Variants in CNTNAP2 observed in about 807,000 individuals in gnomAD.
CNTNAP2 encodes contactin-associated protein-like 2.
CNTNAP2 carries 98 observed loss-of-function variants against 155.2 expected under a neutral mutation model. The ratio of observed to expected loss-of-function variants is 0.63; its 90% CI spans 0.54 to 0.75. CNTNAP2 has a LOEUF of 0.75. Among genes scored for constraint, CNTNAP2 ranks in the 30% least tolerant of loss-of-function variants. CNTNAP2 has a pLI of 0.00. For synonymous variants in CNTNAP2, 651 were observed against 631.2 expected (o/e 1.03, Z -0.47); for missense variants, 1,727 against 1,688.1 (o/e 1.02, Z -0.40).
chr7:148,129,996 C>T (rs569439322), intron 16 of CNTNAP2, among the ~76,000 whole-genome samples: 1 of 152,318 alleles, frequency 6.6e-6, no homozygotes, highest in East Asian at 1.9e-4. Context: ...GTCAGGAGAT[C>T]TCCTAACATT....
At chr7:146,553,937 A>G (rs1182195525) in intron 1 of CNTNAP2, among the ~76,000 whole-genome samples, 2 of 152,182 alleles carry the variant, frequency 1.3e-5, no homozygotes, top group African/African-American at 2.4e-5. Context: ...TTTTACTGAC[A>G]TGAACATTAT....
At chr7:146,323,305 T>A (rs960347306) in intron 1 of CNTNAP2, among the ~76,000 whole-genome samples, 1 of 152,088 alleles carries the variant, frequency 6.6e-6, no homozygotes, top group South Asian at 2.1e-4. Flanking sequence ...GGCTAGTACT[T>A]GAAATTGTAA....
intron 13 of CNTNAP2, among the ~76,000 whole-genome samples, chr7:147,747,927 A>G (rs1292123604): frequency 6.6e-6 from 1 of 152,248 alleles, no homozygotes; most frequent in Non-Finnish European, 1.5e-5. Flanking sequence ...GATGAAGCTT[A>G]TCTTGCACTG....
chr7:146,213,977 G>A (rs550463516), intron 1 of CNTNAP2, among the ~76,000 whole-genome samples: 3 of 151,958 alleles, frequency 2.0e-5, no homozygotes, highest in Admixed American at 6.6e-5. Context: ...TTTAGGCTTC[G>A]GTTTCCTCAT....
At chr7:146,336,533 A>G (rs540535375) in intron 1 of CNTNAP2, among the ~76,000 whole-genome samples, 95 of 146,310 alleles carry the variant, frequency 6.5e-4, no homozygotes, top group African/African-American at 2.2e-3. Flanking sequence ...AGCATAATCC[A>G]TAAAGGAAAA....
chr7:147,809,594 T>C (rs764909315), intron 13 of CNTNAP2, among the ~76,000 whole-genome samples: 5 of 152,210 alleles, frequency 3.3e-5, no homozygotes, highest in Non-Finnish European at 5.9e-5. Flanking sequence ...CTGCTGTTTG[T>C]CTTCCACCTT....
In CNTNAP2 at chr7:147,120,979, G is replaced by T; in HGVS notation, c.755G>T (p.Gly252Val). ...KAKLVLSLNL[G>V]SNQLGPIYGH... ...TTCTTTTTCACTTCTGTGTACGCAGGAAGCAACCAGCTTGGCCCCATATAT... is the reference window on the plus strand; with the variant it reads ...TTCTTTTTCACTTCTGTGTACGCAGTAAGCAACCAGCTTGGCCCCATATAT... The change falls in exon 6 of 24, where the codon GGA (glycine) becomes GTA (valine). Residue 252 changes from glycine (G) to valine (V), a missense_variant and splice_region_variant. Coordinates refer to ENST00000361727, the MANE Select transcript of CNTNAP2 (RefSeq NM_014141.6). 2 of 1,613,456 alleles carry T rather than the reference G, an allele frequency of 1.2e-6. No homozygotes were observed. The highest frequency in any genetic ancestry group is 8.5e-7 in the Non-Finnish European group (1 of 1,179,892).
Position 148,259,621 on chromosome 7 carries a change from G to A in CNTNAP2, c.3382-7412G>A, listed in dbSNP as rs973115011. 5.3e-5 allele frequency among the ~76,000 whole-genome samples: 8 copies of A among 152,076 alleles called. No individual in the cohort carries two copies. In the East Asian group the frequency reaches 5.8e-4, roughly 11 times the overall value. ...GGAGATGGGGCCCGGCCCCTCCACC[G>A]GTCCAGGAGAACCCACGCCATTTAG... On this transcript the variant is annotated intron_variant, in intron 20 of 23. Coordinates refer to ENST00000361727, the MANE Select transcript of CNTNAP2 (RefSeq NM_014141.6).
intron 10 of CNTNAP2, among the ~76,000 whole-genome samples, chr7:147,482,791 A>G (rs935951339): frequency 2.6e-5 from 4 of 151,762 alleles, no homozygotes; most frequent in Non-Finnish European, 5.9e-5. Flanking sequence ...CATGCCTGTA[A>G]TCCCAGCACT....
At chr7:148,361,222 T>A (rs1798613244) in intron 21 of CNTNAP2, among the ~76,000 whole-genome samples, 1 of 152,230 alleles carries the variant, frequency 6.6e-6, no homozygotes, top group Non-Finnish European at 1.5e-5. Context: ...CAACTAAGTC[T>A]CTCATTTAAA....
At chr7:147,216,318 T>C (rs1417147530) in intron 8 of CNTNAP2, among the ~76,000 whole-genome samples, 2 of 152,112 alleles carry the variant, frequency 1.3e-5, no homozygotes, top group East Asian at 3.9e-4. Context: ...GCTTTGTATA[T>C]TACCTTTAGG....
intron 1 of CNTNAP2, among the ~76,000 whole-genome samples, chr7:146,373,360 G>A (rs937923032): frequency 2.0e-5 from 3 of 151,542 alleles, no homozygotes; most frequent in Non-Finnish European, 2.9e-5. Flanking sequence ...GACATATAAG[G>A]AGAGACAGTA....
At chr7:148,034,091 A>G (rs959216927) in intron 15 of CNTNAP2, among the ~76,000 whole-genome samples, 1 of 152,216 alleles carries the variant, frequency 6.6e-6, no homozygotes, top group Non-Finnish European at 1.5e-5. Context: ...TGCTCCTGGT[A>G]CCATTATTAG....
At chr7:146,554,999 G>C (rs975314092) in intron 1 of CNTNAP2, among the ~76,000 whole-genome samples, 1 of 152,178 alleles carries the variant, frequency 6.6e-6, no homozygotes, top group Non-Finnish European at 1.5e-5. Context: ...ATGGGGTAAA[G>C]AGAGGTTAAC....
chr7:147,193,961 T>C (rs1274643748), intron 8 of CNTNAP2, among the ~76,000 whole-genome samples: 2 of 151,984 alleles, frequency 1.3e-5, no homozygotes, highest in Non-Finnish European at 2.9e-5. Context: ...TGTTTTTTTT[T>C]TCTTCTAAAA....
intron 3 of CNTNAP2, among the ~76,000 whole-genome samples, chr7:146,941,747 G>A (rs1797061561): frequency 6.6e-6 from 1 of 151,706 alleles, no homozygotes; most frequent in Non-Finnish European, 1.5e-5. Context: ...CTGAAGAACA[G>A]TTTTCCTGGG....
intron 13 of CNTNAP2, among the ~76,000 whole-genome samples, chr7:147,687,947 A>G (rs1796037133): frequency 6.6e-6 from 1 of 152,260 alleles, no homozygotes; most frequent in African/African-American, 2.4e-5. Flanking sequence ...CATTTGTGCT[A>G]TTCCCATTTT....
chr7:146,712,029 G>A (rs1801088857), intron 1 of CNTNAP2, among the ~76,000 whole-genome samples: 1 of 64,564 alleles, frequency 1.5e-5, no homozygotes, highest in South Asian at 6.5e-4. Context: ...CACATCTTAT[G>A]TATACTATAT....
At chr7:147,511,056 C>T (rs138897559) in intron 11 of CNTNAP2, among the ~76,000 whole-genome samples, 32 of 151,436 alleles carry the variant, frequency 2.1e-4, no homozygotes, top group Non-Finnish European at 7.4e-5. Context: ...TCCTGGGCAC[C>T]ATCCCTTCTG....
Sources: allele counts gnomAD v4.1 joint callset (sites outside exome capture counted in the v4.1 genomes callset), GRCh38; gene constraint gnomAD v4.1.1; transcripts MANE v1.5; gene names NCBI Gene and HGNC (gene_info 2026-07-23, HGNC 2026-07-21).